DIS3L2: variants seen among roughly 807,000 people sequenced by gnomAD.
DIS3L2 encodes DIS3 like 3'-5' exoribonuclease 2.
Under a neutral mutation model 97.5 loss-of-function variants are expected in DIS3L2, and 34 were observed. The ratio of observed to expected loss-of-function variants is 0.35; its 90% CI spans 0.27 to 0.46. The LOEUF (loss-of-function observed/expected upper bound fraction) is 0.46, where lower values mean the gene tolerates loss of function less well. Among genes scored for constraint, DIS3L2 ranks in the 20% least tolerant of loss-of-function variants. The pLI is 1.00. For synonymous variants in DIS3L2, 435 were observed against 445.2 expected (o/e 0.98, Z 0.29); for missense variants, 1,038 against 1,146.0 (o/e 0.91, Z 1.36).
At chr2:232,022,879 G>C (rs1694557857) in intron 3 of DIS3L2, among the ~76,000 whole-genome samples, 1 of 152,156 alleles carries the variant, frequency 6.6e-6, no homozygotes, top group Non-Finnish European at 1.5e-5. Context: ...TGGATTTACT[G>C]TGACACTCTT....
intron 8 of DIS3L2, among the ~76,000 whole-genome samples, chr2:232,143,264 A>G (rs939916195): frequency 8.5e-5 from 13 of 152,098 alleles, no homozygotes; most frequent in Admixed American, 7.9e-4. Context: ...TAGAATGTTT[A>G]TATGTTTCCC....
chr2:232,259,735 C>T (rs1482750469), intron 12 of DIS3L2: 1 of 152,212 alleles, frequency 6.6e-6, no homozygotes, highest in Non-Finnish European at 1.5e-5. Flanking sequence ...TCTCATGCCT[C>T]ACCTTTCTGA....
intron 1 of DIS3L2, among the ~76,000 whole-genome samples, chr2:232,002,566 A>T (rs1181739077): frequency 6.6e-6 from 1 of 152,134 alleles, no homozygotes; most frequent in Non-Finnish European, 1.5e-5. Context: ...CATTTTAAGT[A>T]GAGTTAGCAT....
In DIS3L2 at chr2:232,130,722, C is replaced by A. The variant is rs962232288; in HGVS notation, c.702+3C>A. ...AATCCCTGCAAAGATCAGCAAAGGT[C>A]ATTGCCTACAGATTTTCTCCACGTG... On this transcript the variant is annotated splice_donor_region_variant and intron_variant, in intron 7 of 20. Transcript: ENST00000325385. 1 of 1,613,650 alleles carries A rather than the reference C, an allele frequency of 6.2e-7. No individual in the cohort carries two copies. The highest frequency in any genetic ancestry group is 8.5e-7 in the Non-Finnish European group (1 of 1,179,792).
chr2:232,074,571 C>CTTTTTTTTTTTTT (rs66518544), intron 5 of DIS3L2, among the ~76,000 whole-genome samples: 1 of 104,192 alleles, frequency 9.6e-6, no homozygotes, highest in Non-Finnish European at 1.8e-5. Flanking sequence ...ATCAAGGAAC[C>CTTTTTTTTTTTTT]TTTTTTTTTT....
Position 232,335,803 on chromosome 2 carries a change from A to C in DIS3L2, c.2425A>C (p.Lys809Gln), listed in dbSNP as rs1060503032. Residue 809 changes from lysine to glutamine, a missense_variant, in exon 20 of 21, where the codon AAG becomes CAG. Transcript: ENST00000325385. ...GGCCCTGCGGTCCCACCACTTCCAGAAGGTGGGCAAGAAGCCGGAACTCAC... is the reference window on the plus strand; with the variant it reads ...GGCCCTGCGGTCCCACCACTTCCAGCAGGTGGGCAAGAAGCCGGAACTCAC... ...ALALRSHHFQ[K>Q]VGKKPELTLV... 1 of 1,550,678 alleles carries C rather than the reference A, an allele frequency of 6.4e-7. No individual in the cohort carries two copies. Among genetic ancestry groups the C allele is most frequent in the Non-Finnish European group, 8.7e-7 (1 of 1,147,004 alleles).
chr2:232,186,676 G>A (rs1352239649), intron 9 of DIS3L2, among the ~76,000 whole-genome samples: 2 of 152,114 alleles, frequency 1.3e-5, no homozygotes, highest in African/African-American at 4.8e-5. Context: ...ATCCAGCAAT[G>A]TATAAAAAGA....
At chr2:232,220,438 A>G (rs1053621738) in intron 10 of DIS3L2, among the ~76,000 whole-genome samples, 3 of 152,128 alleles carry the variant, frequency 2.0e-5, no homozygotes, top group African/African-American at 7.2e-5. Flanking sequence ...GCGGGGTGCG[A>G]TGGATCATGC....
intron 1 of DIS3L2, among the ~76,000 whole-genome samples, chr2:232,001,715 C>CTTTTT (rs36048859): frequency 3.3e-4 from 20 of 60,040 alleles, no homozygotes; most frequent in Non-Finnish European, 4.1e-4. Flanking sequence ...ATCTTTAATT[C>CTTTTT]TTTTTTTTTT....
intron 1 of DIS3L2, among the ~76,000 whole-genome samples, chr2:232,006,678 T>G (rs576926283): frequency 6.6e-6 from 1 of 152,088 alleles, no homozygotes; most frequent in South Asian, 2.1e-4. Context: ...TGAGATGAGG[T>G]ATAAGAGTAG....
intron 5 of DIS3L2, among the ~76,000 whole-genome samples, chr2:232,072,863 A>T (rs970169197): frequency 1.3e-5 from 2 of 149,072 alleles, no homozygotes; most frequent in African/African-American, 5.0e-5. Flanking sequence ...GGGGTGGGGA[A>T]GGAAGTCGAA....
chr2:232,269,687 G>T lies in DIS3L2; in HGVS notation c.1659+6247G>T, dbSNP rs1693934075. On this transcript the variant is annotated intron_variant, in intron 13 of 20. Coordinates refer to ENST00000325385, the MANE Select transcript of DIS3L2 (RefSeq NM_152383.5). The surrounding 1 kb of genome is among the most constrained non-coding windows in gnomAD (Gnocchi z 4.5). ...TCTAGCCAGGCTGCAAAGGCAAGCA[G>T]ACTGCTGGTACAAGCATGGGAGGGA... is the stretch of plus-strand genomic sequence containing the variant. Among the ~76,000 whole-genome samples the T allele has an allele frequency of 6.6e-6, 1 of 152,110 alleles. No homozygotes were observed. Among genetic ancestry groups the T allele is most frequent in the African/African-American group, 2.4e-5 (1 of 41,414 alleles).
intron 13 of DIS3L2, among the ~76,000 whole-genome samples, chr2:232,287,943 G>A (rs1694490812): frequency 6.6e-6 from 1 of 152,168 alleles, no homozygotes; most frequent in Non-Finnish European, 1.5e-5. Flanking sequence ...GGCCCCATAG[G>A]TGTCCCTTCC....
chr2:232,136,985 T>G (rs1396104170), intron 8 of DIS3L2, among the ~76,000 whole-genome samples: 1 of 152,166 alleles, frequency 6.6e-6, no homozygotes, highest in African/African-American at 2.4e-5. Flanking sequence ...CTTATTTAGT[T>G]ATGTCATGTG....
intron 13 of DIS3L2, among the ~76,000 whole-genome samples, chr2:232,273,751 A>C (rs1172451273): frequency 6.6e-6 from 1 of 152,120 alleles, no homozygotes; most frequent in Non-Finnish European, 1.5e-5. Context: ...CTCCAGGGGA[A>C]GGGAAAGAGA....
chr2:232,233,869 T>C (rs1453385417), intron 10 of DIS3L2, among the ~76,000 whole-genome samples: 2 of 152,186 alleles, frequency 1.3e-5, no homozygotes, highest in East Asian at 3.8e-4. Flanking sequence ...GTTAATGGCT[T>C]AGTGGTTGTT....
intron 5 of DIS3L2, among the ~76,000 whole-genome samples, chr2:232,082,068 G>A (rs568113720): frequency 6.6e-6 from 1 of 152,176 alleles, no homozygotes; most frequent in Non-Finnish European, 1.5e-5. Context: ...GGGATTGCAA[G>A]CATGAGCCAC....
chr2:232,246,260 T>C (rs1305860838), intron 11 of DIS3L2, among the ~76,000 whole-genome samples: 5 of 152,236 alleles, frequency 3.3e-5, no homozygotes, highest in African/African-American at 7.2e-5. Flanking sequence ...ATAAACCTTT[T>C]AGCAGTGGCA....
At chr2:232,050,724 T>G (rs1695377862) in intron 5 of DIS3L2, among the ~76,000 whole-genome samples, 1 of 152,248 alleles carries the variant, frequency 6.6e-6, no homozygotes, top group South Asian at 2.1e-4. Context: ...CGACATTTTT[T>G]GATTGGCAGC....
Sources: gnomAD v4.1 joint callset for allele counts (sites outside exome capture counted in the v4.1 genomes callset) on GRCh38, gnomAD v4.1.1 for gene constraint, Gnocchi (gnomAD v3.1) non-coding constraint, MANE v1.5 for transcripts, NCBI Gene and HGNC (gene_info 2026-07-23, HGNC 2026-07-21) for gene names.